The following SGCD variants were observed in gnomAD, a reference collection of about 807,000 sequenced individuals.
The protein encoded by SGCD is sarcoglycan delta, also known as delta-sarcoglycan.
Under a neutral mutation model 36.6 loss-of-function variants are expected in SGCD, and 18 were observed. The observed-to-expected ratio is 0.49, with a 90% confidence interval of 0.34 to 0.73. The LOEUF (loss-of-function observed/expected upper bound fraction) is 0.73. SGCD is among the 30% of genes least tolerant of loss of function. The pLI is 0.01. For missense variants in SGCD, 387 were observed against 346.7 expected, an observed-to-expected ratio of 1.12 and a Z score of -0.92; for synonymous variants, 133 against 130.6, an observed-to-expected ratio of 1.02 and a Z score of -0.12.
chr5:156,575,879 A>G (rs776811644), intron 4 of SGCD, among the ~76,000 whole-genome samples: 8 of 152,096 alleles, frequency 5.3e-5, no homozygotes, highest in South Asian at 2.1e-4. Context: ...AAGGTAGGGG[A>G]GAGTATATTG....
intron 1 of SGCD, among the ~76,000 whole-genome samples, chr5:156,032,706 CAAAAAAAAAAAAAA>C (rs1171072619): frequency 2.7e-4 from 4 of 15,068 alleles, no homozygotes; most frequent in Non-Finnish European, 3.1e-4. Context: ...GACTCCGTCT[CAAAAAAAAAAAAAA>C]AAAAAAAAAA....
intron 1 of SGCD, among the ~76,000 whole-genome samples, chr5:155,988,761 C>G (rs1758380307): frequency 6.6e-6 from 1 of 152,142 alleles, no homozygotes; most frequent in African/African-American, 2.4e-5. Context: ...CTTCAGTTTT[C>G]TCCTTTGTAA....
the SGCD span, among the ~76,000 whole-genome samples, chr5:155,840,588 T>TTGTGTGTG: frequency 1.4e-5 from 2 of 146,978 alleles, no homozygotes; most frequent in African/African-American, 2.5e-5. Context: ...TGCACCCGGC[T>TTGTGTGTG]TGTGTGTGTG....
chr5:155,817,948 TG>T, the SGCD span, among the ~76,000 whole-genome samples: 1 of 152,234 alleles, frequency 6.6e-6, no homozygotes, highest in Non-Finnish European at 1.5e-5. Context: ...AAAGCAAAGT[TG>T]TTTTAGAATA....
At chr5:156,216,325 G>C (rs1026089082) in intron 3 of SGCD, among the ~76,000 whole-genome samples, 7 of 152,076 alleles carry the variant, frequency 4.6e-5, no homozygotes, top group East Asian at 1.9e-4. Flanking sequence ...AAATGTTCTC[G>C]CAACAAAAAT....
intron 3 of SGCD, among the ~76,000 whole-genome samples, chr5:156,206,454 A>G (rs888295988): frequency 5.9e-5 from 9 of 152,184 alleles, no homozygotes; most frequent in African/African-American, 1.9e-4. Flanking sequence ...TTGAAGCCCT[A>G]TGCAATTCCA....
At chr5:156,309,363 A>G (rs1313298629) in intron 3 of SGCD, among the ~76,000 whole-genome samples, 1 of 151,834 alleles carries the variant, frequency 6.6e-6, no homozygotes, top group African/African-American at 2.4e-5. Context: ...AGACTTGATC[A>G]TTTTTATTGG....
chr5:156,121,578 T>C (rs1174984409), intron 2 of SGCD, among the ~76,000 whole-genome samples: 1 of 151,956 alleles, frequency 6.6e-6, no homozygotes, highest in African/African-American at 2.4e-5. Flanking sequence ...GAGCTGAAGA[T>C]CTTCAAAGGT....
At chr5:156,395,811 G>A (rs1580924653) in intron 3 of SGCD, among the ~76,000 whole-genome samples, 1 of 152,232 alleles carries the variant, frequency 6.6e-6, no homozygotes. Flanking sequence ...GCCCTACAGG[G>A]ATACAGCTTC....
chr5:156,059,183 C>T (rs1055308526), intron 1 of SGCD, among the ~76,000 whole-genome samples: 8 of 145,166 alleles, frequency 5.5e-5, no homozygotes, highest in African/African-American at 1.2e-4. Flanking sequence ...TGTCCCACCT[C>T]GTGAATGACT....
At chr5:156,243,900 A>T (rs552424124) in intron 3 of SGCD, among the ~76,000 whole-genome samples, 5 of 152,352 alleles carry the variant, frequency 3.3e-5, no homozygotes, top group African/African-American at 1.2e-4. Context: ...ATGAAAAATG[A>T]GTTCATAGTG....
chr5:155,901,796 A>G (rs912281115), intron 1 of SGCD, among the ~76,000 whole-genome samples: 4 of 152,190 alleles, frequency 2.6e-5, no homozygotes, highest in Non-Finnish European at 5.9e-5. Flanking sequence ...AATGGCTTCC[A>G]TGCCTACTTT....
chr5:155,758,290 C>T, the SGCD span, among the ~76,000 whole-genome samples: 6 of 152,218 alleles, frequency 3.9e-5, no homozygotes, highest in Non-Finnish European at 5.9e-5. Context: ...CTATAACAGC[C>T]GTGGCAAAGT....
intron 1 of SGCD, among the ~76,000 whole-genome samples, chr5:155,980,519 C>T (rs1022815492): frequency 3.7e-5 from 5 of 134,394 alleles, no homozygotes; most frequent in Admixed American, 1.7e-4. Context: ...ACCCGAGAGG[C>T]AGAGCTTGCA....
At chr5:156,163,641 G>A (rs1183787270) in intron 3 of SGCD, among the ~76,000 whole-genome samples, 1 of 151,472 alleles carries the variant, frequency 6.6e-6, no homozygotes, top group East Asian at 1.9e-4. Flanking sequence ...TTACCTCAAA[G>A]CTATGACCAG....
At chr5:156,495,016 A>G (rs1756120505) in intron 3 of SGCD, among the ~76,000 whole-genome samples, 1 of 152,056 alleles carries the variant, frequency 6.6e-6, no homozygotes, top group Non-Finnish European at 1.5e-5. Context: ...ATGCTCTGGG[A>G]AAAGTGGGGA....
chr5:156,129,035 T>C (rs1762247638), intron 3 of SGCD, among the ~76,000 whole-genome samples: 1 of 152,150 alleles, frequency 6.6e-6, no homozygotes, highest in African/African-American at 2.4e-5. Context: ...AGAAATCGGC[T>C]CAGTGCTTGC....
At chr5:156,072,223 C>T (rs1460313538) in intron 1 of SGCD, among the ~76,000 whole-genome samples, 5 of 152,074 alleles carry the variant, frequency 3.3e-5, no homozygotes, top group Admixed American at 6.6e-5. Context: ...TTCTTCCTAG[C>T]CTCGATGGTC....
intron 4 of SGCD, among the ~76,000 whole-genome samples, chr5:156,512,333 G>A (rs189813692): frequency 1.3e-5 from 2 of 151,908 alleles, no homozygotes; most frequent in African/African-American, 4.8e-5. Context: ...AACACCATAT[G>A]TATTTTTACT....
Sources: gnomAD v4.1 joint callset for allele counts (sites outside exome capture counted in the v4.1 genomes callset) on GRCh38, gnomAD v4.1.1 for gene constraint, MANE v1.5 for transcripts, NCBI Gene and HGNC (gene_info 2026-07-23, HGNC 2026-07-21) for gene names.